Variants in BFSP1 observed in about 807,000 individuals in gnomAD.
The protein encoded by BFSP1 is beaded filament structural protein 1, also known as filensin.
In BFSP1, 38 loss-of-function variants were observed where a neutral mutation model predicts 43.9. The ratio of observed to expected loss-of-function variants is 0.87; its 90% CI spans 0.67 to 1.14. The LOEUF (loss-of-function observed/expected upper bound fraction) is 1.14. Ranked by LOEUF, BFSP1 falls within the 50% of genes most tolerant of loss-of-function variation. BFSP1 has a pLI of 0.00. For missense variants in BFSP1, 850 were observed against 875.1 expected (o/e 0.97, Z 0.36); for synonymous variants, 352 against 354.8 (o/e 0.99, Z 0.09).
intron 1 of BFSP1, among the ~76,000 whole-genome samples, chr20:17,536,986 T>C (rs1011838079): frequency 7.2e-5 from 11 of 152,180 alleles, no homozygotes; most frequent in Non-Finnish European, 1.5e-4. Flanking sequence ...AAAGAGGTAA[T>C]TGAGGCTGTT....
chr20:17,512,743 C>T (rs1451724075), intron 3 of BFSP1, among the ~76,000 whole-genome samples: 1 of 152,108 alleles, frequency 6.6e-6, no homozygotes, highest in Non-Finnish European at 1.5e-5. Context: ...TTAAAAGGCC[C>T]TGGAGGGCAC....
At chr20:17,537,951 C>G (rs754448979) in intron 1 of BFSP1, among the ~76,000 whole-genome samples, 2 of 151,932 alleles carry the variant, frequency 1.3e-5, no homozygotes, top group Non-Finnish European at 2.9e-5. Flanking sequence ...GACCCTGTCT[C>G]TACCCCCAAA....
At chr20:17,535,480 G>C (rs148022951), upstream of BFSP1, among the ~76,000 whole-genome samples, 1 of 152,154 alleles carries the variant, frequency 6.6e-6, no homozygotes, top group South Asian at 2.1e-4. Context: ...GCAGTGAGTC[G>C]AGATAATGCC....
chr20:17,567,270 A>G (rs1484014048), intron 1 of BFSP1, among the ~76,000 whole-genome samples: 9 of 152,172 alleles, frequency 5.9e-5, no homozygotes, highest in Non-Finnish European at 1.2e-4. Context: ...AAACATCTTC[A>G]GATACTGGTT....
chr20:17,545,195 G>C (rs116132845), intron 1 of BFSP1, among the ~76,000 whole-genome samples: 116 of 152,316 alleles, frequency 7.6e-4, no homozygotes, highest in African/African-American at 2.7e-3. Context: ...TCCAAAAAGA[G>C]CAGGTAGGGC....
chr20:17,522,279 A>T (rs375183766), intron 2 of BFSP1, among the ~76,000 whole-genome samples: 4 of 152,130 alleles, frequency 2.6e-5, no homozygotes, highest in African/African-American at 9.7e-5. Context: ...ATTTAACCTC[A>T]TCAAGGGTGA....
intron 5 of BFSP1, among the ~76,000 whole-genome samples, chr20:17,499,611 C>G (rs935325523): frequency 6.6e-6 from 1 of 152,018 alleles, no homozygotes; most frequent in Admixed American, 6.6e-5. Context: ...CAAAGGCAGT[C>G]TGAAGACAAA....
chr20:17,530,632 T>C (rs2034513138), intron 1 of BFSP1, among the ~76,000 whole-genome samples: 1 of 152,250 alleles, frequency 6.6e-6, no homozygotes, highest in Admixed American at 6.5e-5. Context: ...GTTTTCGTGG[T>C]AACACGGGTA....
chr20:17,532,450 T>G (rs1338142220), upstream of BFSP1, among the ~76,000 whole-genome samples: 1 of 151,716 alleles, frequency 6.6e-6, no homozygotes, highest in Non-Finnish European at 1.5e-5. Context: ...GCTTTTTTCT[T>G]TTTCTTTTTT....
intron 5 of BFSP1, among the ~76,000 whole-genome samples, chr20:17,505,191 C>T (rs2023509): frequency 0.37 from 56,127 of 152,114 alleles, 12,135 homozygotes; most frequent in South Asian, 0.5. Context: ...TATATGTGCA[C>T]TTATTTGAAG....
At chr20:17,502,584 T>C (rs2033830114) in intron 5 of BFSP1, among the ~76,000 whole-genome samples, 1 of 152,196 alleles carries the variant, frequency 6.6e-6, no homozygotes, top group South Asian at 2.1e-4. Flanking sequence ...TCACTGTTAA[T>C]TTCCAGGTTT....
chr20:17,514,261 GC>G (rs2034150163), intron 3 of BFSP1, among the ~76,000 whole-genome samples: 2 of 152,152 alleles, frequency 1.3e-5, no homozygotes, highest in South Asian at 4.1e-4. Flanking sequence ...TTATGCCAGG[GC>G]CCCCCAGAAT....
At chr20:17,523,831 A>AT (rs1254140593) in intron 2 of BFSP1, among the ~76,000 whole-genome samples, 1 of 151,830 alleles carries the variant, frequency 6.6e-6, no homozygotes, top group Non-Finnish European at 1.5e-5. Flanking sequence ...TCTAGTTCTG[A>AT]TTTTCCCCTC....
At chr20:17,553,810 C>CATATATAT (rs1568717863) in intron 1 of BFSP1, among the ~76,000 whole-genome samples, 1 of 111,874 alleles carries the variant, frequency 8.9e-6, no homozygotes, top group Admixed American at 9.1e-5. Context: ...CACACACACA[C>CATATATAT]ACACACACAC....
chr20:17,520,777 C>T (rs943812503), intron 2 of BFSP1, among the ~76,000 whole-genome samples: 5 of 152,164 alleles, frequency 3.3e-5, no homozygotes, highest in Non-Finnish European at 7.3e-5. Context: ...AGTTCATTTC[C>T]GGGCTCAGAG....
At position 17,494,479 on chromosome 20, in the gene BFSP1, T is replaced by G; in HGVS notation, c.1593A>C (p.Lys531Asn). The change falls in exon 8 of 8, where the codon AAA (lysine) becomes AAC (asparagine). Residue 531 changes from lysine (K) to asparagine (N), a missense_variant. Coordinates refer to ENST00000377873, the MANE Select transcript of BFSP1 (RefSeq NM_001195.5). ...GCTGGTCAATTGGTTGTCCATCTTC[T>G]TTCTCCTGCAGACCCACCTGCCCAT... ...LENGQVGLQE[K>N]EDGQPIDQQP... The G allele has an allele frequency of 1.2e-6, 2 of 1,614,224 alleles. No homozygotes were observed. The highest frequency in any genetic ancestry group is 1.7e-6 in the Non-Finnish European group (2 of 1,180,032).
intron 1 of BFSP1, among the ~76,000 whole-genome samples, chr20:17,567,163 G>A (rs1262417636): frequency 6.6e-6 from 1 of 152,042 alleles, no homozygotes; most frequent in Non-Finnish European, 1.5e-5. Context: ...AGAAAAGCTG[G>A]GTGTTAAATG....
intron 1 of BFSP1, among the ~76,000 whole-genome samples, chr20:17,548,739 G>A (rs2034847510): frequency 6.6e-6 from 1 of 152,200 alleles, no homozygotes. Flanking sequence ...GTCTCCAACT[G>A]TGTATTTTTA....
intron 1 of BFSP1, among the ~76,000 whole-genome samples, chr20:17,539,774 A>G (rs1187100761): frequency 6.6e-6 from 1 of 152,100 alleles, no homozygotes; most frequent in Non-Finnish European, 1.5e-5. Flanking sequence ...TCAAAAAAAA[A>G]GACAAAAATT....
Sources: allele counts gnomAD v4.1 joint callset (sites outside exome capture counted in the v4.1 genomes callset), GRCh38; gene constraint gnomAD v4.1.1; transcripts MANE v1.5; gene names NCBI Gene and HGNC (gene_info 2026-07-23, HGNC 2026-07-21).